THRAP3: variants seen among roughly 807,000 people sequenced by gnomAD.
THRAP3 encodes the protein thyroid hormone receptor associated protein 3.
Under a neutral mutation model 101.0 loss-of-function variants are expected in THRAP3, and 16 were observed. That is an observed-to-expected ratio of 0.16 (90% CI 0.11 to 0.24). The LOEUF (loss-of-function observed/expected upper bound fraction) is 0.24, where lower values mean the gene tolerates loss of function less well. Ranked by LOEUF, THRAP3 falls within the 10% of genes least tolerant of loss-of-function variation. The probability of loss-of-function intolerance (pLI) is 1.00; values close to 1 mark genes in which losing one functional copy is unlikely to be tolerated. For missense variants in THRAP3, 989 were observed against 1,202.7 expected (o/e 0.82, Z 2.63); for synonymous variants, 407 against 422.6 (o/e 0.96, Z 0.45).
At chr1:36,221,968 C>A (rs1328944336), upstream of THRAP3, among the ~76,000 whole-genome samples, 1 of 152,096 alleles carries the variant, frequency 6.6e-6, no homozygotes, top group Admixed American at 6.6e-5. Flanking sequence ...CGCCAGCATG[C>A]CCAGCTAATT....
At chr1:36,302,051 G>C (rs947212) in intron 11 of THRAP3, among the ~76,000 whole-genome samples, 134,375 of 152,198 alleles carry the variant, frequency 0.88, 61,741 homozygotes, top group Non-Finnish European at 1. Context: ...GTCCCTCTCT[G>C]CCACTCCTTC....
At chr1:36,273,827 G>C (rs977653481) in intron 2 of THRAP3, among the ~76,000 whole-genome samples, 2 of 152,112 alleles carry the variant, frequency 1.3e-5, no homozygotes, top group African/African-American at 4.8e-5. Context: ...GATCATTTGA[G>C]GTCAGGAGTT....
chr1:36,297,499 A>G (rs1645967876), intron 9 of THRAP3, among the ~76,000 whole-genome samples: 1 of 141,714 alleles, frequency 7.1e-6, no homozygotes, highest in Non-Finnish European at 1.5e-5. Flanking sequence ...CCTAGGCTAG[A>G]GTGCAGTGGC....
intron 1 of THRAP3, among the ~76,000 whole-genome samples, chr1:36,228,860 C>T (rs1486496224): frequency 6.6e-6 from 1 of 152,088 alleles, no homozygotes; most frequent in Non-Finnish European, 1.5e-5. Context: ...GTAGGCTGGG[C>T]ATGGTGGCTC....
intron 1 of THRAP3, among the ~76,000 whole-genome samples, chr1:36,237,733 T>A (rs1274612892): frequency 6.6e-6 from 1 of 152,108 alleles, no homozygotes; most frequent in East Asian, 1.9e-4. Context: ...ATCATGCCAC[T>A]GCACTTCAGC....
intron 1 of THRAP3, among the ~76,000 whole-genome samples, chr1:36,253,985 C>T (rs77732170): frequency 1.3e-5 from 2 of 151,922 alleles, no homozygotes; most frequent in Non-Finnish European, 2.9e-5. Flanking sequence ...TTGGTATCCG[C>T]AACAGTAATA....
chr1:36,296,462 C>T (rs1198496841), intron 8 of THRAP3, 121 bp from the exon 9 acceptor site: 9 of 729,526 alleles, frequency 1.2e-5, no homozygotes, highest in African/African-American at 3.6e-5. Context: ...GGGTGAGATG[C>T]CTCACATTTC....
intron 1 of THRAP3, among the ~76,000 whole-genome samples, chr1:36,227,304 A>G (rs1356197529): frequency 6.7e-6 from 1 of 149,412 alleles, no homozygotes; most frequent in Non-Finnish European, 1.5e-5. Flanking sequence ...TTTTTTTGAG[A>G]TGGTGTTTCG....
the THRAP3 span, among the ~76,000 whole-genome samples, chr1:36,207,832 G>A: frequency 6.6e-6 from 1 of 152,034 alleles, no homozygotes. Flanking sequence ...TCACTCTGTC[G>A]CCCAGGTTGG....
chr1:36,227,041 G>C (rs765329215), intron 1 of THRAP3, among the ~76,000 whole-genome samples: 4 of 152,124 alleles, frequency 2.6e-5, no homozygotes, highest in Non-Finnish European at 1.5e-5. Flanking sequence ...CCAATTTGTA[G>C]GATGTCAAGG....
intron 1 of THRAP3, among the ~76,000 whole-genome samples, chr1:36,238,191 C>G (rs1275410495): frequency 2.0e-5 from 3 of 152,042 alleles, no homozygotes; most frequent in Non-Finnish European, 4.4e-5. Flanking sequence ...TAGTCTTAAA[C>G]TCCTGACCTC....
At chr1:36,271,991 A>G (rs988529032) in intron 2 of THRAP3, among the ~76,000 whole-genome samples, 3 of 152,094 alleles carry the variant, frequency 2.0e-5, no homozygotes, top group African/African-American at 7.2e-5. Context: ...TGGCTTTCCA[A>G]AGTGCTGGGG....
chr1:36,250,007 C>T (rs539394327), intron 1 of THRAP3, among the ~76,000 whole-genome samples: 119 of 152,038 alleles, frequency 7.8e-4, no homozygotes, highest in African/African-American at 2.5e-3. Context: ...TGTTTATAGA[C>T]GAAAGCAATC....
intron 1 of THRAP3, among the ~76,000 whole-genome samples, chr1:36,249,944 G>A (rs1310923767): frequency 6.6e-6 from 1 of 152,052 alleles, no homozygotes; most frequent in African/African-American, 2.4e-5. Flanking sequence ...TTAATTGGAG[G>A]AATGACATGA....
At chr1:36,264,149 T>C (rs1376778073) in intron 2 of THRAP3, among the ~76,000 whole-genome samples, 1 of 152,226 alleles carries the variant, frequency 6.6e-6, no homozygotes, top group Non-Finnish European at 1.5e-5. Context: ...AAGCTCTGCC[T>C]CCCAGGTTCA....
intron 7 of THRAP3, among the ~76,000 whole-genome samples, chr1:36,293,640 C>CTGTGTG (rs577292328): frequency 0.049 from 6,595 of 133,260 alleles, 267 homozygotes; most frequent in Middle Eastern, 0.084. Context: ...GAACCTGGGA[C>CTGTGTG]TGTGTGTGTG....
At position 36,261,633 on chromosome 1, in the gene THRAP3, A is replaced by G. The variant is rs954646577; in HGVS notation, c.-32+2149A>G. ...CAGAGAGACGAACTACACTGATCAC[A>G]TGTATCTGGACTAAGTTCTGGTTGA... On this transcript the variant is annotated intron_variant, in intron 2 of 11. Transcript: ENST00000354618. Among the ~76,000 whole-genome samples, 15 of 152,330 alleles carry G rather than the reference A, an allele frequency of 9.8e-5. No homozygotes were observed. The East Asian group carries it at 1.2e-3, about 12-fold the overall frequency.
chr1:36,214,030 GAAA>G, the THRAP3 span, among the ~76,000 whole-genome samples: 3 of 141,044 alleles, frequency 2.1e-5, no homozygotes, highest in Admixed American at 7.0e-5. Flanking sequence ...AAGAAAGAAA[GAAA>G]GAAAGAAAGA....
In THRAP3 at chr1:36,289,094, G is replaced by C. The variant is rs1413482827; in HGVS notation, c.1075G>C (p.Asp359His). The change falls in exon 5 of 12, where the codon GAT becomes CAT. Residue 359 changes from aspartate (D) to histidine (H), a missense_variant. Coordinates refer to ENST00000354618, the MANE Select transcript of THRAP3 (RefSeq NM_005119.4). ...AGAGCAGAAGACAGAGAATGGAAAAGATAAGGAACAGAAACAAACAAATAC... is the reference window on the plus strand; with the variant it reads ...AGAGCAGAAGACAGAGAATGGAAAACATAAGGAACAGAAACAAACAAATAC... ...LEEQKTENGK[D>H]KEQKQTNTDK... 1 of 1,601,022 alleles carries C rather than the reference G, an allele frequency of 6.2e-7. No homozygotes were observed. Among genetic ancestry groups the C allele is most frequent in the South Asian group, 1.1e-5 (1 of 88,078 alleles).
Sources: gnomAD v4.1 joint callset for allele counts (sites outside exome capture counted in the v4.1 genomes callset) on GRCh38, gnomAD v4.1.1 for gene constraint, MANE v1.5 for transcripts, NCBI Gene and HGNC (gene_info 2026-07-23, HGNC 2026-07-21) for gene names.